Variants in FBLN2 observed in about 807,000 individuals in gnomAD.
The protein encoded by FBLN2 is fibulin 2.
Under a neutral mutation model 123.7 loss-of-function variants are expected in FBLN2, and 81 were observed. The ratio of observed to expected loss-of-function variants is 0.65; its 90% CI spans 0.55 to 0.79. The LOEUF is 0.79. Among genes scored for constraint, FBLN2 ranks in the 30% least tolerant of loss-of-function variants. The pLI is 0.00. For missense variants in FBLN2, 1,603 were observed against 1,681.3 expected, an observed-to-expected ratio of 0.95 and a Z score of 0.81; for synonymous variants, 699 against 701.4, an observed-to-expected ratio of 1.00 and a Z score of 0.05.
chr3:13,582,256 G>A (rs935875508), intron 2 of FBLN2, among the ~76,000 whole-genome samples: 5 of 152,204 alleles, frequency 3.3e-5, no homozygotes, highest in African/African-American at 1.2e-4. Flanking sequence ...GGCAGCAGAT[G>A]CGGCTTTCCT....
intron 2 of FBLN2, among the ~76,000 whole-genome samples, chr3:13,597,081 A>G (rs1033892503): frequency 2.0e-5 from 3 of 151,976 alleles, no homozygotes; most frequent in African/African-American, 7.2e-5. Context: ...ATAGGCACAC[A>G]CCATCATGCC....
At chr3:13,589,993 A>G (rs1427937286) in intron 2 of FBLN2, among the ~76,000 whole-genome samples, 1 of 152,216 alleles carries the variant, frequency 6.6e-6, no homozygotes, top group African/African-American at 2.4e-5. Context: ...GTAAAGCAAC[A>G]AGCCTTAATA....
intron 4 of FBLN2, among the ~76,000 whole-genome samples, chr3:13,613,662 T>C (rs924971380): frequency 1.3e-5 from 2 of 152,336 alleles, no homozygotes; most frequent in South Asian, 4.1e-4. Flanking sequence ...CAAAGGCCCC[T>C]GGGAAATGCC....
chr3:13,622,011 CCTT>C (rs1705870923), intron 9 of FBLN2, 96 bp downstream of exon 9: 2 of 1,409,026 alleles, frequency 1.4e-6, no homozygotes, highest in Non-Finnish European at 1.9e-6. Context: ...AAGGGCCTGC[CCTT>C]TGCATGTGAG....
chr3:13,618,380 C>A, intron 6 of FBLN2, 95 bp downstream of exon 6: 1 of 1,132,976 alleles, frequency 8.8e-7, no homozygotes, highest in Non-Finnish European at 1.3e-6. Context: ...GGGTCCTTCA[C>A]TTCCTGTTAC....
At chr3:13,617,143 A>AATCCATCC (rs779072153) in intron 5 of FBLN2, among the ~76,000 whole-genome samples, 197 of 134,624 alleles carry the variant, frequency 1.5e-3, no homozygotes, top group African/African-American at 5.5e-3. Context: ...TCCATTCATC[A>AATCCATCC]ATCCATCCAT....
Position 13,570,371 on chromosome 3 carries a change from G to A in FBLN2, c.16G>A (p.Glu6Lys), listed in dbSNP as rs1242610435. 2.6e-6 allele frequency: 4 copies of A among 1,566,358 alleles called. No individual in the cohort carries two copies. The highest frequency in any genetic ancestry group is 2.3e-5 in the South Asian group (2 of 85,114). The change falls in exon 2 of 18, where the codon GAG becomes AAG. Residue 6 changes from glutamate to lysine, a missense_variant. Transcript: ENST00000404922. MVLLW[E>K]PAGAWLALGL... Reference sequence around the variant, plus strand: ...GGCCTGGACCATGGTGCTGCTCTGGGAGCCTGCAGGAGCCTGGCTTGCTCT... The same window carrying A: ...GGCCTGGACCATGGTGCTGCTCTGGAAGCCTGCAGGAGCCTGGCTTGCTCT...
chr3:13,634,768 CA>C lies in FBLN2; in HGVS notation c.3215-1676del, dbSNP rs1575004454. On this transcript the variant is annotated intron_variant, in intron 16 of 17. Coordinates refer to ENST00000404922, the MANE Select transcript of FBLN2 (RefSeq NM_001004019.2). ...GCTGACCCGCTACAAGAGAGCCTGG[CA>C]GCCAAGAGCCCAGAGTCTGAGGCGG... 2.6e-5 allele frequency among the ~76,000 whole-genome samples: 4 copies of C among 152,360 alleles called. No individual in the cohort carries two copies. The East Asian group carries it at 7.7e-4, about 29-fold the overall frequency.
chr3:13,610,376 T>C (rs1705351523), intron 4 of FBLN2, among the ~76,000 whole-genome samples: 2 of 152,042 alleles, frequency 1.3e-5, no homozygotes, highest in South Asian at 2.1e-4. Flanking sequence ...GGACCGGTTA[T>C]TGAGGGTGTT....
At chr3:13,600,168 G>C (rs1704982878) in intron 2 of FBLN2, among the ~76,000 whole-genome samples, 1 of 151,078 alleles carries the variant, frequency 6.6e-6, no homozygotes, top group African/African-American at 2.4e-5. Flanking sequence ...GAGCCTTGGA[G>C]AATCAGGGTG....
chr3:13,608,001 G>C, intron 2 of FBLN2, 61 bp from the exon 3 acceptor site: 1 of 1,359,074 alleles, frequency 7.4e-7, no homozygotes, highest in South Asian at 1.3e-5. Context: ...ACAGGCCCCT[G>C]CATATCTGCT....
At chr3:13,577,297 G>A (rs1704182034) in intron 2 of FBLN2, among the ~76,000 whole-genome samples, 1 of 151,790 alleles carries the variant, frequency 6.6e-6, no homozygotes, top group South Asian at 2.1e-4. Context: ...GCGGTGACCC[G>A]AGCAGAGAGC....
At chr3:13,553,847 C>G (rs1703393562) in intron 1 of FBLN2, among the ~76,000 whole-genome samples, 2 of 152,224 alleles carry the variant, frequency 1.3e-5, no homozygotes, top group Non-Finnish European at 2.9e-5. Flanking sequence ...TCAGGCAGAC[C>G]CTGCCAGTCC....
rs1201203294 is a variant in FBLN2 at position 13,605,061 on chromosome 3, G to A, written c.1307-3001G>A. ...CACTGAGTCTGGAGGGAGGAGAAGC[G>A]GCTGTCAGTGGTAACGCTGAGATGT... is the stretch of plus-strand genomic sequence containing the variant. On this transcript the variant is annotated intron_variant, in intron 2 of 17. Coordinates refer to ENST00000404922, the MANE Select transcript of FBLN2 (RefSeq NM_001004019.2). Among the ~76,000 whole-genome samples, 9 of 152,176 alleles carry A rather than the reference G, an allele frequency of 5.9e-5. No individual in the cohort carries two copies. The East Asian group carries it at 9.6e-4, about 16-fold the overall frequency.
chr3:13,618,014 G>A, intron 5 of FBLN2, 62 bp from the exon 6 acceptor site: 1 of 1,506,028 alleles, frequency 6.6e-7, no homozygotes, highest in Non-Finnish European at 9.1e-7. Context: ...CCCAAAGCTG[G>A]TTGTCTCAGC....
intron 1 of FBLN2, among the ~76,000 whole-genome samples, chr3:13,551,875 C>G (rs1011549384): frequency 2.1e-5 from 3 of 145,054 alleles, no homozygotes; most frequent in Non-Finnish European, 4.5e-5. Flanking sequence ...GACAGGATCT[C>G]GTCCTGTCTC....
At chr3:13,602,925 TC>T (rs1224671715) in intron 2 of FBLN2, among the ~76,000 whole-genome samples, 2 of 151,556 alleles carry the variant, frequency 1.3e-5, no homozygotes, top group African/African-American at 2.4e-5. Context: ...TTTTTTTTTT[TC>T]CCCAAGACGA....
chr3:13,556,818 C>T (rs1166118542), intron 1 of FBLN2, among the ~76,000 whole-genome samples: 1 of 152,188 alleles, frequency 6.6e-6, no homozygotes, highest in Admixed American at 6.5e-5. Flanking sequence ...AGCAGGGGCC[C>T]CTTTGCACAG....
At chr3:13,616,606 G>A (rs948300090) in intron 5 of FBLN2, among the ~76,000 whole-genome samples, 2 of 152,188 alleles carry the variant, frequency 1.3e-5, no homozygotes, top group African/African-American at 4.8e-5. Context: ...TTCCTCATAC[G>A]TGACTTCATG....
Sources: allele counts gnomAD v4.1 joint callset (sites outside exome capture counted in the v4.1 genomes callset), GRCh38; gene constraint gnomAD v4.1.1; transcripts MANE v1.5; gene names NCBI Gene and HGNC (gene_info 2026-07-23, HGNC 2026-07-21).